Variants in VIPR1 observed in about 807,000 individuals in gnomAD.
VIPR1 encodes vasoactive intestinal polypeptide receptor 1.
Under a neutral mutation model 58.8 loss-of-function variants are expected in VIPR1, and 59 were observed. The ratio of observed to expected loss-of-function variants is 1.00; its 90% CI spans 0.81 to 1.25. The LOEUF (loss-of-function observed/expected upper bound fraction) is 1.25. VIPR1 is among the 50% of genes most tolerant of loss of function. The pLI is 0.00. For synonymous variants in VIPR1, 251 were observed against 242.1 expected (o/e 1.04, Z -0.34); for missense variants, 626 against 602.7 (o/e 1.04, Z -0.40).
At chr3:42,498,125 C>T (rs1461385838), upstream of VIPR1, among the ~76,000 whole-genome samples, 1 of 152,190 alleles carries the variant, frequency 6.6e-6, no homozygotes, top group African/African-American at 2.4e-5. Context: ...CTCAGTTTCC[C>T]CTCTGTGGCA....
chr3:42,510,544 T>C (rs1041788181), intron 1 of VIPR1, among the ~76,000 whole-genome samples: 1 of 152,048 alleles, frequency 6.6e-6, no homozygotes, highest in East Asian at 1.9e-4. Flanking sequence ...CAAAGGGCAA[T>C]GGTTGACCAG....
At chr3:42,531,354 A>G in intron 7 of VIPR1, 117 bp from the exon 8 acceptor site, 1 of 1,083,220 alleles carries the variant, frequency 9.2e-7, no homozygotes, top group Non-Finnish European at 1.4e-6. Context: ...CAGACTGACA[A>G]CCCACCCTTT....
intron 1 of VIPR1, among the ~76,000 whole-genome samples, chr3:42,493,778 T>C (rs1699708570): frequency 6.6e-6 from 1 of 152,252 alleles, no homozygotes; most frequent in Admixed American, 6.5e-5. Flanking sequence ...TGGGTTTCTC[T>C]GGGCGTTTCT....
chr3:42,508,364 A>G (rs1179312370), intron 1 of VIPR1, among the ~76,000 whole-genome samples: 2 of 152,216 alleles, frequency 1.3e-5, no homozygotes, highest in African/African-American at 4.8e-5. Flanking sequence ...AGCAGCAGAC[A>G]GTCTCATTCT....
chr3:42,504,546 GC>G (rs1302595287), intron 1 of VIPR1, among the ~76,000 whole-genome samples: 2 of 152,046 alleles, frequency 1.3e-5, no homozygotes, highest in Non-Finnish European at 1.5e-5. Flanking sequence ...AAGGTCAGGG[GC>G]TGGGGTCTCT....
chr3:42,520,811 G>A (rs1471320684), intron 3 of VIPR1, among the ~76,000 whole-genome samples: 6 of 152,174 alleles, frequency 3.9e-5, no homozygotes, highest in Non-Finnish European at 8.8e-5. Flanking sequence ...GGGTAAGCCA[G>A]TTTGCCCCCC....
rs749532849 is a variant in VIPR1, at chr3:42,530,801, T to C, written c.659T>C (p.Val220Ala). ...EGSVGCKAAM[V>A]FFQYCVMANF... is the part of the protein sequence containing the mutation. ...CAGGTGGGCTGTAAGGCAGCCATGG[T>C]CTTTTTCCAATATTGTGTCATGGCT... The change falls in exon 7 of 13, where the codon GTC becomes GCC. Residue 220 changes from valine (V) to alanine (A), a missense_variant. Val to Ala is a moderately conservative substitution (Grantham distance 64, BLOSUM62 0). Coordinates refer to ENST00000325123, the MANE Select transcript of VIPR1 (RefSeq NM_004624.4). The C allele has an allele frequency of 5.0e-6, 8 of 1,613,992 alleles. No homozygotes were observed. The South Asian group carries it at 8.8e-5, about 18-fold the overall frequency.
chr3:42,511,385 C>G (rs540361530), intron 1 of VIPR1, among the ~76,000 whole-genome samples: 4 of 152,178 alleles, frequency 2.6e-5, no homozygotes, highest in Non-Finnish European at 4.4e-5. Flanking sequence ...TAGCCTGACT[C>G]AGGCCATGTG....
At chr3:42,501,602 C>A (rs891614336), upstream of VIPR1, among the ~76,000 whole-genome samples, 2 of 152,238 alleles carry the variant, frequency 1.3e-5, no homozygotes, top group African/African-American at 4.8e-5. This position sits in a 1 kb window ranked among gnomAD's most constrained non-coding sequence, Gnocchi z 4.8. Flanking sequence ...GGTGACCCCG[C>A]TCCCCATGCC....
intron 1 of VIPR1, chr3:42,513,069 A>C: frequency 1.4e-6 from 1 of 714,124 alleles, no homozygotes; most frequent in Non-Finnish European, 1.7e-6. Flanking sequence ...GAAGCAGGGG[A>C]GGCCTGGTGG....
At chr3:42,528,333 C>T in intron 6 of VIPR1, 1 of 678,150 alleles carries the variant, frequency 1.5e-6, no homozygotes, top group Non-Finnish European at 2.4e-6. Flanking sequence ...GTTGCTCACC[C>T]ATCTGGGTGC....
intron 2 of VIPR1, among the ~76,000 whole-genome samples, chr3:42,514,159 C>A (rs1421088568): frequency 6.6e-6 from 1 of 151,678 alleles, no homozygotes; most frequent in African/African-American, 2.4e-5. Flanking sequence ...ATCTCCATGG[C>A]GGCCAGCCCA....
In VIPR1 at chr3:42,504,566, C is replaced by T. The variant is rs188682317; in HGVS notation, c.78+1753C>T. Among the ~76,000 whole-genome samples, 230 of 152,094 alleles carry T rather than the reference C, an allele frequency of 1.5e-3. 3 individuals are homozygous for T. The highest frequency in any genetic ancestry group is 0.01 in the Admixed American group (158 of 15,276). ...CAGGGGCTGGGGTCTCTTACATCCC[C>T]ATGTTTCTTACAGCCCAGTGCAGGG... On this transcript the variant is annotated intron_variant, in intron 1 of 12. Coordinates refer to ENST00000325123, the MANE Select transcript of VIPR1 (RefSeq NM_004624.4).
intron 2 of VIPR1, chr3:42,516,680 G>A (rs1256449031): frequency 6.6e-6 from 1 of 152,306 alleles, no homozygotes; most frequent in Admixed American, 6.5e-5. Context: ...GGCGTGCCCA[G>A]TGCTGTCAGA....
intron 1 of VIPR1, chr3:42,489,808 T>C (rs918492889): frequency 1.3e-5 from 2 of 152,218 alleles, no homozygotes; most frequent in African/African-American, 4.8e-5. Flanking sequence ...TGTACTTTCT[T>C]ACTCCGCAGT....
At chr3:42,533,334 G>A (rs1701666644) in intron 10 of VIPR1, 1 of 148,854 alleles carries the variant, frequency 6.7e-6, no homozygotes, top group African/African-American at 2.5e-5. Context: ...TCCCTGATGA[G>A]ACTAAGACTC....
At chr3:42,508,559 C>G (rs1488938825) in intron 1 of VIPR1, among the ~76,000 whole-genome samples, 5 of 152,204 alleles carry the variant, frequency 3.3e-5, no homozygotes, top group Non-Finnish European at 1.5e-5. Flanking sequence ...CACCACTGCC[C>G]AGGTCAAACT....
intron 2 of VIPR1, among the ~76,000 whole-genome samples, chr3:42,514,235 C>G (rs1700509958): frequency 6.6e-6 from 1 of 151,972 alleles, no homozygotes; most frequent in African/African-American, 2.4e-5. Context: ...CAGGCAGGTT[C>G]CAGGACCCCC....
At chr3:42,513,891 C>CT in intron 2 of VIPR1, 37 bp downstream of exon 2, 1 of 1,538,708 alleles carries the variant, frequency 6.5e-7, no homozygotes, top group South Asian at 1.2e-5. Context: ...CTGCATGCCC[C>CT]CAGGGAGCCC....
Sources: allele counts gnomAD v4.1 joint callset (sites outside exome capture counted in the v4.1 genomes callset), GRCh38; gene constraint gnomAD v4.1.1; non-coding constraint Gnocchi (gnomAD v3.1); transcripts MANE v1.5; gene names NCBI Gene and HGNC (gene_info 2026-07-23, HGNC 2026-07-21).